ZNF462: variants seen among roughly 807,000 people sequenced by gnomAD.
The protein encoded by ZNF462 is zinc finger protein 462.
ZNF462 carries 10 observed loss-of-function variants against 201.9 expected under a neutral mutation model. The ratio of observed to expected loss-of-function variants is 0.05; its 90% CI spans 0.03 to 0.08. The LOEUF is 0.08. Ranked by LOEUF, ZNF462 falls within the 10% of genes least tolerant of loss-of-function variation. The pLI is 1.00. For synonymous variants in ZNF462, 1,227 were observed against 1,193.3 expected (o/e 1.03, Z -0.58); for missense variants, 2,523 against 3,168.3 (o/e 0.80, Z 4.89).
At position 107,009,381 on chromosome 9, in the gene ZNF462, TGCCCTA is replaced by T; in HGVS notation, c.7190-163_7190-158del. 5 of 878,020 alleles carry T rather than the reference TGCCCTA, an allele frequency of 5.7e-6. No homozygotes were observed. Among genetic ancestry groups the T allele is most frequent in the Non-Finnish European group, 6.7e-6 (4 of 597,182 alleles). The allele number at this position is 878,020 out of a possible 1,614,324, so 54.4% of individuals were successfully genotyped here. A position where few individuals can be genotyped will look rare whatever the true frequency, so the allele number is the denominator to read the frequency against. Reference sequence around the variant, plus strand: ...CAGTTCTCGAATGCTATTCAAGGAATGCCCTAAGGGGGAAACCTAAGAAAAAGTGAG... The same window carrying T: ...CAGTTCTCGAATGCTATTCAAGGAATAGGGGGAAACCTAAGAAAAAGTGAG... On this transcript the variant is annotated intron_variant, in intron 11 of 12. Transcript: ENST00000277225. The surrounding 1 kb of genome is among the most constrained non-coding windows in gnomAD (Gnocchi z 6.1).
chr9:106,974,352 A>G lies in ZNF462; in HGVS notation c.6832+79A>G. 6.3e-7 allele frequency: 1 copy of G among 1,595,224 alleles called. No homozygotes were observed. Among genetic ancestry groups the G allele is most frequent in the South Asian group, 1.1e-5 (1 of 90,458 alleles). On this transcript the variant is annotated intron_variant, in intron 9 of 12. Coordinates refer to ENST00000277225, the MANE Select transcript of ZNF462 (RefSeq NM_021224.6). This position sits in a 1 kb window ranked among gnomAD's most constrained non-coding sequence, Gnocchi z 4.0. The stretch of plus-strand genomic sequence containing the variant: ...TGGCCTTCTAGGGATGCTCTCTCAG[A>G]GTGGCAGTAGCACCTGTGCCTTGTT...
Position 106,928,609 on chromosome 9 carries a change from C to T in ZNF462, c.4697C>T (p.Thr1566Met), listed in dbSNP as rs773795172. Residue 1566 changes from threonine to methionine, a missense_variant, in exon 3 of 13, where the codon ACG becomes ATG. Physicochemically the swap from Thr to Met is moderately conservative, Grantham distance 81 (BLOSUM62 -1). Coordinates refer to ENST00000277225, the MANE Select transcript of ZNF462 (RefSeq NM_021224.6). The surrounding 1 kb of genome is among the most constrained non-coding windows in gnomAD (Gnocchi z 9.3). The part of the protein sequence containing the change: ...ADISQNDVEE[T>M]SRIFKQGYGA... ...ATATCCCAGAATGACGTGGAGGAGA[C>T]GAGCAGGATCTTCAAGCAAGGGTAT... 33 of 1,613,980 alleles carry T rather than the reference C, an allele frequency of 2.0e-5. No homozygotes were observed. The highest frequency in any genetic ancestry group is 1.0e-4 in the Admixed American group (6 of 60,000).
intron 1 of ZNF462, among the ~76,000 whole-genome samples, chr9:106,903,020 A>G (rs915321434): frequency 3.3e-5 from 5 of 151,984 alleles, no homozygotes; most frequent in African/African-American, 1.2e-4. Flanking sequence ...GTGTGACCTT[A>G]GATTGTCTGT....
chr9:106,901,044 A>C (rs1186488849), intron 1 of ZNF462, among the ~76,000 whole-genome samples: 1 of 152,186 alleles, frequency 6.6e-6, no homozygotes, highest in Non-Finnish European at 1.5e-5. Context: ...TCTTTAATCC[A>C]TCTTGAGTTG....
chr9:106,932,786 T>C lies in ZNF462; in HGVS notation c.6116+237T>C. Reference sequence around the variant, plus strand: ...ATTTTAAAAATGAGAATTGGAGGAATTGCTATGATTTACCCAAAGGTAAAA... The same window carrying C: ...ATTTTAAAAATGAGAATTGGAGGAACTGCTATGATTTACCCAAAGGTAAAA... On this transcript the variant is annotated intron_variant, in intron 5 of 12. Transcript: ENST00000277225. The surrounding 1 kb of genome is among the most constrained non-coding windows in gnomAD (Gnocchi z 6.8). 3.3e-6 allele frequency: 2 copies of C among 598,920 alleles called. No individual in the cohort carries two copies. The highest frequency in any genetic ancestry group is 4.5e-4 in the Middle Eastern group (1 of 2,234). 37.1% of individuals were successfully genotyped at this position (598,920 alleles called of 1,614,324 possible). A position where few individuals can be genotyped will look rare whatever the true frequency, so the allele number is the denominator to read the frequency against.
At position 107,006,727 on chromosome 9, in the gene ZNF462, G is replaced by C. The variant is rs1408745839; in HGVS notation, c.7190-2818G>C. Among the ~76,000 whole-genome samples, 2 of 152,110 alleles carry C rather than the reference G, an allele frequency of 1.3e-5. No homozygotes were observed. The highest frequency in any genetic ancestry group is 2.4e-5 in the African/African-American group (1 of 41,418). ...CTATGGGTTTGCGAAGGGGGCCCCA[G>C]TTTGGCTCTTGAACCCCTGACCAAG... On this transcript the variant is annotated intron_variant, in intron 11 of 12. Transcript: ENST00000277225. The surrounding 1 kb of genome is among the most constrained non-coding windows in gnomAD (Gnocchi z 4.3).
At chr9:106,884,370 G>A (rs1181533121) in intron 1 of ZNF462, among the ~76,000 whole-genome samples, 1 of 152,162 alleles carries the variant, frequency 6.6e-6, no homozygotes, top group East Asian at 1.9e-4. Context: ...AATAATTTGA[G>A]CTATGGAATA....
In ZNF462 at chr9:107,011,264, G is replaced by A; in HGVS notation, c.*234G>A. 2 of 485,928 alleles carry A rather than the reference G, an allele frequency of 4.1e-6. No individual in the cohort carries two copies. The highest frequency in any genetic ancestry group is 3.7e-6 in the Non-Finnish European group (1 of 268,574). The allele number at this position is 485,928 out of a possible 1,614,324, so 30.1% of individuals were successfully genotyped here. A position where few individuals can be genotyped will look rare whatever the true frequency, so the allele number is the denominator to read the frequency against. On this transcript the variant is annotated 3_prime_UTR_variant, in exon 13 of 13. Transcript: ENST00000277225. This position sits in a 1 kb window ranked among gnomAD's most constrained non-coding sequence, Gnocchi z 5.6. ...TTCCATCACTACATCTTTTCTTCCG[G>A]ATCTTCATCATGGAAGTTTCATTTG...
rs1312475954 is a variant in ZNF462 at position 106,886,749 on chromosome 9, T to C, written c.-31+23394T>C. On this transcript the variant is annotated intron_variant, in intron 1 of 12. Transcript: ENST00000277225. This position sits in a 1 kb window ranked among gnomAD's most constrained non-coding sequence, Gnocchi z 4.6. ...ATGGAATATCAGTTTTCTGCCCTGG[T>C]GATCCATGCTTATTCCACTACAACA... Among the ~76,000 whole-genome samples, 5 of 152,314 alleles carry C rather than the reference T, an allele frequency of 3.3e-5. No individual in the cohort carries two copies. The East Asian group carries it at 9.7e-4, about 29-fold the overall frequency.
chr9:106,971,880 T>C, intron 7 of ZNF462, 125 bp from the exon 8 acceptor site: 1 of 1,201,312 alleles, frequency 8.3e-7, no homozygotes, highest in Non-Finnish European at 1.2e-6. Context: ...ATAAACAATT[T>C]CCGTTTGTCA....
chr9:106,931,753 G>A (rs916310125), intron 4 of ZNF462, among the ~76,000 whole-genome samples: 9 of 152,222 alleles, frequency 5.9e-5, no homozygotes, highest in African/African-American at 2.2e-4. Flanking sequence ...TTATGCAGCA[G>A]TCTCCAGTCA....
intron 1 of ZNF462, among the ~76,000 whole-genome samples, chr9:106,898,307 T>C (rs1828899405): frequency 6.6e-6 from 1 of 152,106 alleles, no homozygotes; most frequent in Middle Eastern, 3.2e-3. Context: ...GTGAAAATGT[T>C]TGGGAGATTC....
intron 9 of ZNF462, chr9:106,979,462 C>T (rs1469241790): frequency 1.2e-4 from 18 of 151,792 alleles, no homozygotes; most frequent in Non-Finnish European, 1.5e-5. Context: ...TTTTCTCGAA[C>T]AGGGGATTCA....
At chr9:106,888,796 C>A (rs1051270952) in intron 1 of ZNF462, among the ~76,000 whole-genome samples, 3 of 152,210 alleles carry the variant, frequency 2.0e-5, no homozygotes, top group African/African-American at 7.2e-5. Flanking sequence ...CACCTTGGAG[C>A]TTTTATCCTC....
intron 7 of ZNF462, among the ~76,000 whole-genome samples, chr9:106,961,993 G>A (rs959123329): frequency 9.2e-5 from 14 of 152,076 alleles, no homozygotes; most frequent in Non-Finnish European, 1.5e-4. Flanking sequence ...TGGAAACAGT[G>A]TGGGCAAGGG....
chr9:106,971,983 C>A, intron 7 of ZNF462, 22 bp from the exon 8 acceptor site: 2 of 1,600,428 alleles, frequency 1.2e-6, no homozygotes, highest in South Asian at 2.2e-5. Context: ...TGCCCCGTGT[C>A]ATTTTTCCCG....
chr9:106,923,349 C>T lies in ZNF462; in HGVS notation c.-30-5C>T, dbSNP rs77100712. The T allele has an allele frequency of 1.2e-6, 2 of 1,606,276 alleles. No homozygotes were observed. Among genetic ancestry groups the T allele is most frequent in the Non-Finnish European group, 1.7e-6 (2 of 1,173,548 alleles). On this transcript the variant is annotated splice_polypyrimidine_tract_variant and splice_region_variant and intron_variant, in intron 1 of 12. Transcript: ENST00000277225. This position sits in a 1 kb window ranked among gnomAD's most constrained non-coding sequence, Gnocchi z 5.6. Reference sequence around the variant, plus strand: ...TAAGATGTTTTGTTCTGACTTCTGCCACAGGTTCCTAATGTGAGAGGCTAG... The same window carrying T: ...TAAGATGTTTTGTTCTGACTTCTGCTACAGGTTCCTAATGTGAGAGGCTAG...
Position 106,938,244 on chromosome 9 carries a change from G to A in ZNF462, c.6236-672G>A, listed in dbSNP as rs1588087093. 1.3e-5 allele frequency among the ~76,000 whole-genome samples: 2 copies of A among 152,226 alleles called. No individual in the cohort carries two copies. The highest frequency in any genetic ancestry group is 3.9e-4 in the East Asian group (2 of 5,178). Reference sequence around the variant, plus strand: ...AATATTGGAGATAAACACACACACTGTACCCCCTAAACCCCCATGTTTACA... The same window carrying A: ...AATATTGGAGATAAACACACACACTATACCCCCTAAACCCCCATGTTTACA... On this transcript the variant is annotated intron_variant, in intron 6 of 12. Transcript: ENST00000277225. The surrounding 1 kb of genome is among the most constrained non-coding windows in gnomAD (Gnocchi z 4.4).
In ZNF462 at chr9:106,981,099, C is replaced by T. The variant is rs931194466; in HGVS notation, c.6833-3087C>T. Among the ~76,000 whole-genome samples the T allele has an allele frequency of 1.3e-5, 2 of 152,136 alleles. No homozygotes were observed. The highest frequency in any genetic ancestry group is 2.9e-5 in the Non-Finnish European group (2 of 68,016). On this transcript the variant is annotated intron_variant, in intron 9 of 12. Transcript: ENST00000277225. The surrounding 1 kb of genome is among the most constrained non-coding windows in gnomAD (Gnocchi z 4.0). ...GTTTTTAGAAAGGGGAAAAAGCTAACTTTTTTTCTAAAATTAATATCTCAG... is the reference window on the plus strand; with the variant it reads ...GTTTTTAGAAAGGGGAAAAAGCTAATTTTTTTTCTAAAATTAATATCTCAG...
Sources: gnomAD v4.1 joint callset for allele counts (sites outside exome capture counted in the v4.1 genomes callset) on GRCh38, gnomAD v4.1.1 for gene constraint, Gnocchi (gnomAD v3.1) non-coding constraint, MANE v1.5 for transcripts, NCBI Gene and HGNC (gene_info 2026-07-23, HGNC 2026-07-21) for gene names.